The following CLSPN variants were observed in gnomAD, a reference collection of about 807,000 sequenced individuals.
CLSPN encodes claspin.
Under a neutral mutation model 156.3 loss-of-function variants are expected in CLSPN, and 85 were observed. The observed-to-expected ratio is 0.54, with a 90% CI of 0.46 to 0.65. CLSPN has a LOEUF of 0.65. Ranked by LOEUF, CLSPN falls within the 30% of genes least tolerant of loss-of-function variation. The probability of loss-of-function intolerance (pLI) is 0.00; values close to 1 mark genes in which losing one functional copy is unlikely to be tolerated. For synonymous variants in CLSPN, 534 were observed against 542.4 expected (o/e 0.98, Z 0.22); for missense variants, 1,407 against 1,554.9 (o/e 0.90, Z 1.60).
At chr1:35,763,793 T>G (rs1642566825) in intron 3 of CLSPN, among the ~76,000 whole-genome samples, 1 of 141,288 alleles carries the variant, frequency 7.1e-6, no homozygotes, top group Non-Finnish European at 1.5e-5. Context: ...TTTTTTTGGT[T>G]TTTGTTTTTT....
chr1:35,744,957 G>A (rs886804567), intron 16 of CLSPN, among the ~76,000 whole-genome samples: 17 of 152,144 alleles, frequency 1.1e-4, no homozygotes, highest in African/African-American at 3.9e-4. Context: ...GGGATTACAG[G>A]CATGCGCCAC....
intron 4 of CLSPN, among the ~76,000 whole-genome samples, 171 bp downstream of exon 4, chr1:35,762,989 T>C (rs1367275731): frequency 6.6e-6 from 1 of 152,078 alleles, no homozygotes; most frequent in African/African-American, 2.4e-5. Context: ...GAAGTTAGCA[T>C]GTCTATCACT....
Position 35,734,040 on chromosome 1 carries a change from A to AAAATT in CLSPN, c.*2455_*2456insAATTT. 12 of 985,446 alleles carry AAAATT rather than the reference A, an allele frequency of 1.2e-5. No homozygotes were observed. Among genetic ancestry groups the AAAATT allele is most frequent in the Non-Finnish European group, 1.3e-5 (11 of 829,920 alleles). 61.0% of individuals were successfully genotyped at this position (985,446 alleles called of 1,614,324 possible). On this transcript the variant is annotated 3_prime_UTR_variant, in exon 25 of 25. Coordinates refer to ENST00000318121, the MANE Select transcript of CLSPN (RefSeq NM_022111.4). ...AGGTACCATTTATGTAAACTCAATTATCCTCTTCACCTGAGCTGAACCCAA... is the reference window on the plus strand; with the variant it reads ...AGGTACCATTTATGTAAACTCAATTAAAATTTCCTCTTCACCTGAGCTGAACCCAA...
At position 35,748,428 on chromosome 1, in the gene CLSPN, T is replaced by G; in HGVS notation, c.2449A>C (p.Ser817Arg). Residue 817 changes from serine to arginine, a missense_variant, in exon 13 of 25, where the codon AGT becomes CGT. Physicochemically the swap from Ser to Arg is moderately radical, Grantham distance 110 (BLOSUM62 -1). This residue lies in a region of CLSPN where 1,096 missense variants were observed against 1,193.0 expected (regional missense o/e 0.92). Coordinates refer to ENST00000318121, the MANE Select transcript of CLSPN (RefSeq NM_022111.4). ...RSPSPGLFRA[S>R]LVSSASKSSG... ...ACCTTAGAAGCTGAGCTGACCAAACTGGCTCGAAATAGCCCAGGGGAAGGA... is the reference window on the plus strand; with the variant it reads ...ACCTTAGAAGCTGAGCTGACCAAACGGGCTCGAAATAGCCCAGGGGAAGGA... 1 of 1,614,014 alleles carries G rather than the reference T, an allele frequency of 6.2e-7. No homozygotes were observed. The highest frequency in any genetic ancestry group is 8.5e-7 in the Non-Finnish European group (1 of 1,179,942).
rs1433922886 is a variant in CLSPN at position 35,763,332 on chromosome 1, C to G, written c.583-11G>C. 5 of 1,555,410 alleles carry G rather than the reference C, an allele frequency of 3.2e-6. No individual in the cohort carries two copies. In the Admixed American group the frequency reaches 6.4e-5, roughly 20 times the overall value. On this transcript the variant is annotated splice_polypyrimidine_tract_variant and intron_variant, in intron 3 of 24. Transcript: ENST00000318121. ...TTCTACATCATCTTCCTAAGTAATACATAAACAAAAAGCATAATCCAATCA... is the reference window on the plus strand; with the variant it reads ...TTCTACATCATCTTCCTAAGTAATAGATAAACAAAAAGCATAATCCAATCA...
Position 35,769,730 on chromosome 1 carries a change from G to C in CLSPN, c.24+117C>G, listed in dbSNP as rs559291592. 81 of 986,426 alleles carry C rather than the reference G, an allele frequency of 8.2e-5. No individual in the cohort carries two copies. The African/African-American group carries it at 1.3e-3, about 16-fold the overall frequency. The allele number at this position is 986,426 out of a possible 1,614,324, so 61.1% of individuals were successfully genotyped here. ...CGCGGGAGCCGGCGCGGCGAACGCC[G>C]GGAGCCGCAGTCCTCCCGCCCGGGC... On this transcript the variant is annotated intron_variant, in intron 1 of 24. Transcript: ENST00000318121.
chr1:35,740,609 G>A (rs749850570), intron 18 of CLSPN, among the ~76,000 whole-genome samples: 1 of 151,932 alleles, frequency 6.6e-6, no homozygotes, highest in Non-Finnish European at 1.5e-5. Context: ...AGTAGAGATA[G>A]GGTTTCACCA....
Position 35,737,335 on chromosome 1 carries a change from C to T in CLSPN, c.3747+4G>A. 1 of 1,612,540 alleles carries T rather than the reference C, an allele frequency of 6.2e-7. No individual in the cohort carries two copies. Among genetic ancestry groups the T allele is most frequent in the Non-Finnish European group, 8.5e-7 (1 of 1,178,594 alleles). Reference sequence around the variant, plus strand: ...ATGTCAGATTAACAAGGTTCCCAACCAACCTGTTGAGCACTTCCTGGTCTG... The same window carrying T: ...ATGTCAGATTAACAAGGTTCCCAACTAACCTGTTGAGCACTTCCTGGTCTG... On this transcript the variant is annotated splice_donor_region_variant and intron_variant, in intron 23 of 24. Transcript: ENST00000318121.
intron 3 of CLSPN, 43 bp from the exon 4 acceptor site, chr1:35,763,364 A>T (rs753874723): frequency 6.9e-7 from 1 of 1,449,650 alleles, no homozygotes; most frequent in Non-Finnish European, 9.2e-7. Context: ...ATCATTTAAA[A>T]ATCCAGTATT....
intron 20 of CLSPN, among the ~76,000 whole-genome samples, chr1:35,738,800 C>CTTTTTTT (rs66781105): frequency 1.0e-5 from 1 of 96,362 alleles, no homozygotes; most frequent in African/African-American, 3.4e-5. Context: ...TAACTGTTTG[C>CTTTTTTT]TTTTTTTTTT....
At position 35,736,590 on chromosome 1, in the gene CLSPN, G is replaced by A; in HGVS notation, c.3926C>T (p.Pro1309Leu). 1 of 1,611,808 alleles carries A rather than the reference G, an allele frequency of 6.2e-7. No homozygotes were observed. Among genetic ancestry groups the A allele is most frequent in the Non-Finnish European group, 8.5e-7 (1 of 1,179,136 alleles). ...AGGTGAAGGAGAAGTCATGAAAGAT[G>A]GACCCCTTTTCTTTACCTAGAGAGC... ...SSKSQVKKRG[P>L]SFMTSPSPKH... Residue 1309 changes from proline to leucine, a missense_variant, in exon 25 of 25, where the codon CCA becomes CTA. Transcript: ENST00000318121.
At chr1:35,757,327 C>T (rs1467412393) in intron 8 of CLSPN, among the ~76,000 whole-genome samples, 4 of 152,164 alleles carry the variant, frequency 2.6e-5, no homozygotes, top group Non-Finnish European at 5.9e-5. Flanking sequence ...CAACACAGTG[C>T]TAAATAAAAG....
In CLSPN at chr1:35,738,058, TTTC is replaced by T. The variant is rs200760879; in HGVS notation, c.3595_3597del (p.Glu1199del). ...ATCATAAACTGACTGTCCTCCCCAA[TTTC>T]TTCTTCTTCTTCAGCTGTAATTTTC... On this transcript the variant is annotated inframe_deletion, in exon 22 of 25. Coordinates refer to ENST00000318121, the MANE Select transcript of CLSPN (RefSeq NM_022111.4). 78,222 of 1,458,102 alleles carry T rather than the reference TTTC, an allele frequency of 0.054. 2,505 individuals are homozygous for T. The highest frequency in any genetic ancestry group is 0.073 in the Middle Eastern group (403 of 5,534). The allele number at this position is 1,458,102 out of a possible 1,614,324, so 90.3% of individuals were successfully genotyped here.
chr1:35,763,171 T>C lies in CLSPN; in HGVS notation c.733A>G (p.Lys245Glu), dbSNP rs762226757. The change falls in exon 4 of 25, where the codon AAA becomes GAA. Residue 245 changes from lysine (K) to glutamate (E), a missense_variant. By Grantham distance (56) the Lys-to-Glu change is moderately conservative. Coordinates refer to ENST00000318121, the MANE Select transcript of CLSPN (RefSeq NM_022111.4). ...SIRAAVKNKV[K>E]KHKKKEPSLE... ...CATGCTTTACTTGCCTTGTGCTTTT[T>C]TACTTTGTTTTTTACAGCTGCTCTT... 2 of 1,573,278 alleles carry C rather than the reference T, an allele frequency of 1.3e-6. No homozygotes were observed. Among genetic ancestry groups the C allele is most frequent in the Non-Finnish European group, 1.7e-6 (2 of 1,164,438 alleles).
At position 35,733,085 on chromosome 1, in the gene CLSPN, C is replaced by T. The variant is rs1424178647; in HGVS notation, c.*3411G>A. The T allele has an allele frequency of 2.5e-5, 10 of 396,814 alleles. No homozygotes were observed. Among genetic ancestry groups the T allele is most frequent in the Non-Finnish European group, 3.4e-5 (10 of 292,558 alleles). The allele number at this position is 396,814 out of a possible 1,614,324, so 24.6% of individuals were successfully genotyped here. A position where few individuals can be genotyped will look rare whatever the true frequency, so the allele number is the denominator to read the frequency against. Reference sequence around the variant, plus strand: ...GTTCAAGCAATTCTCTTGTCTCAGCCTCCCAAGTAGCTGGGACTACAGGCA... The same window carrying T: ...GTTCAAGCAATTCTCTTGTCTCAGCTTCCCAAGTAGCTGGGACTACAGGCA... On this transcript the variant is annotated 3_prime_UTR_variant, in exon 25 of 25. Transcript: ENST00000318121.
intron 18 of CLSPN, among the ~76,000 whole-genome samples, chr1:35,741,303 T>C (rs1641680456): frequency 6.6e-6 from 1 of 152,200 alleles, no homozygotes; most frequent in East Asian, 1.9e-4. Flanking sequence ...TTTTTATTTA[T>C]ATCTTTCTGT....
Position 35,732,243 on chromosome 1 carries a change from C to T in CLSPN, c.*4253G>A. On this transcript the variant is annotated 3_prime_UTR_variant, in exon 25 of 25. Coordinates refer to ENST00000318121, the MANE Select transcript of CLSPN (RefSeq NM_022111.4). ...CAAGGATGACATAATCAAATAGTAT[C>T]ATGGGAACACTCCTCCCAGAAATAC... The T allele has an allele frequency of 1.0e-6, 1 of 985,270 alleles. No individual in the cohort carries two copies. Among genetic ancestry groups the T allele is most frequent in the African/African-American group, 1.7e-5 (1 of 57,324 alleles). The allele number at this position is 985,270 out of a possible 1,614,324, so 61.0% of individuals were successfully genotyped here. A position where few individuals can be genotyped will look rare whatever the true frequency, so the allele number is the denominator to read the frequency against.
chr1:35,740,399 G>A (rs1051259105), intron 18 of CLSPN, among the ~76,000 whole-genome samples: 6 of 151,446 alleles, frequency 4.0e-5, no homozygotes, highest in African/African-American at 1.5e-4. Context: ...GATTTTTATC[G>A]AAGACCTATA....
Position 35,764,716 on chromosome 1 carries a change from T to C in CLSPN, c.134-2A>G. ...TTACAAATATCTCTTCATCTGAATC[T>C]GGAGGAAACAATTTTCTTTTAATTA... is the stretch of plus-strand genomic sequence containing the variant. On this transcript the variant is annotated splice_acceptor_variant, in intron 2 of 24. Transcript: ENST00000318121. LOFTEE classifies it high-confidence loss of function. 1 of 1,552,968 alleles carries C rather than the reference T, an allele frequency of 6.4e-7. No homozygotes were observed. The highest frequency in any genetic ancestry group is 2.3e-5 in the East Asian group (1 of 44,298).
Sources: allele counts gnomAD v4.1 joint callset (sites outside exome capture counted in the v4.1 genomes callset), GRCh38; gene constraint gnomAD v4.1.1; regional missense constraint gnomAD v4.1.1; transcripts MANE v1.5; gene names NCBI Gene and HGNC (gene_info 2026-07-23, HGNC 2026-07-21).